CDK19: variants seen among roughly 807,000 people sequenced by gnomAD.
CDK19 encodes cyclin-dependent kinase 19.
A neutral mutation model predicts 68.3 loss-of-function variants in CDK19; 20 were observed. That is an observed-to-expected ratio of 0.29 (90% CI 0.21 to 0.43). The LOEUF is 0.43. Among genes scored for constraint, CDK19 ranks in the 20% least tolerant of loss-of-function variants. CDK19 has a pLI of 1.00. For synonymous variants in CDK19, 221 were observed against 222.8 expected, an observed-to-expected ratio of 0.99 and a Z score of 0.07; for missense variants, 339 against 623.5, an observed-to-expected ratio of 0.54 and a Z score of 4.86.
At chr6:110,783,380 G>C (rs759124547) in intron 1 of CDK19, among the ~76,000 whole-genome samples, 2 of 152,184 alleles carry the variant, frequency 1.3e-5, no homozygotes, top group Non-Finnish European at 2.9e-5. Flanking sequence ...GCTCACACCT[G>C]TAATTTCAGC....
At chr6:110,754,406 G>A (rs1338630844) in intron 1 of CDK19, among the ~76,000 whole-genome samples, 2 of 151,940 alleles carry the variant, frequency 1.3e-5, no homozygotes, top group Non-Finnish European at 2.9e-5. Flanking sequence ...TAAGACTTCA[G>A]GCATTGCTTT....
At chr6:110,750,416 G>A (rs1404825146) in intron 1 of CDK19, among the ~76,000 whole-genome samples, 1 of 152,144 alleles carries the variant, frequency 6.6e-6, no homozygotes, top group East Asian at 1.9e-4. Flanking sequence ...CAGGAGAAAA[G>A]AAGGGACACC....
At chr6:110,719,450 G>C (rs1201861064) in intron 2 of CDK19, among the ~76,000 whole-genome samples, 1 of 152,088 alleles carries the variant, frequency 6.6e-6, no homozygotes, top group Admixed American at 6.5e-5. Context: ...CTTTAGCATG[G>C]GAGATGGAAG....
intron 1 of CDK19, among the ~76,000 whole-genome samples, chr6:110,810,078 T>G (rs1782969812): frequency 6.6e-6 from 1 of 151,980 alleles, no homozygotes; most frequent in African/African-American, 2.4e-5. Context: ...AAATGAGACA[T>G]GAAAGGACTT....
intron 2 of CDK19, among the ~76,000 whole-genome samples, chr6:110,734,536 T>TCTCTCTCTCTCTCTCTCTCTCTCC (rs1777070391): frequency 6.8e-6 from 1 of 147,218 alleles, no homozygotes; most frequent in Non-Finnish European, 1.5e-5. Context: ...TCTCTCTCTC[T>TCTCTCTCTCTCTCTCTCTCTCTCC]CTCTCTCTCT....
intron 2 of CDK19, among the ~76,000 whole-genome samples, chr6:110,718,857 C>A (rs1303873095): frequency 6.6e-6 from 1 of 151,848 alleles, no homozygotes; most frequent in Non-Finnish European, 1.5e-5. Flanking sequence ...TGTAAAGGAA[C>A]TAAAATATAT....
At chr6:110,807,814 CTT>C (rs61710346) in intron 1 of CDK19, among the ~76,000 whole-genome samples, 4 of 144,052 alleles carry the variant, frequency 2.8e-5, no homozygotes, top group African/African-American at 5.1e-5. Context: ...TTTATAATAC[CTT>C]TTTTTTTTTT....
chr6:110,792,083 G>A (rs1336262104), intron 1 of CDK19, among the ~76,000 whole-genome samples: 1 of 151,008 alleles, frequency 6.6e-6, no homozygotes, highest in East Asian at 2.0e-4. Flanking sequence ...CAATTCTCCT[G>A]ACTCACCCTC....
rs553152203 is a variant in CDK19 at position 110,728,751 on chromosome 6, T to C, written c.204+17375A>G. 7.9e-5 allele frequency among the ~76,000 whole-genome samples: 12 copies of C among 152,282 alleles called. No homozygotes were observed. The South Asian group carries it at 2.5e-3, about 32-fold the overall frequency. ...ATCTCCTATACTCTCAAATGTGGCA[T>C]GCTGCGTCATGCTTATACACAATGT... On this transcript the variant is annotated intron_variant, in intron 2 of 12. Transcript: ENST00000368911.
intron 2 of CDK19, among the ~76,000 whole-genome samples, chr6:110,712,198 GAGTA>G (rs987247796): frequency 4.6e-5 from 7 of 152,190 alleles, no homozygotes; most frequent in Non-Finnish European, 8.8e-5. Flanking sequence ...TTTCTTGACT[GAGTA>G]AGTAATACAG....
chr6:110,789,436 G>A lies in CDK19; in HGVS notation c.128+25573C>T, dbSNP rs530589923. Among the ~76,000 whole-genome samples, 30 of 152,100 alleles carry A rather than the reference G, an allele frequency of 2.0e-4. No individual in the cohort carries two copies. The East Asian group carries it at 2.3e-3, about 12-fold the overall frequency. On this transcript the variant is annotated intron_variant, in intron 1 of 12. Transcript: ENST00000368911. ...TGGGACTACAGGCATGCACCACCACGCCCAGCTAATTTTTGTATTTTTAGT... is the reference window on the plus strand; with the variant it reads ...TGGGACTACAGGCATGCACCACCACACCCAGCTAATTTTTGTATTTTTAGT...
chr6:110,767,675 T>C (rs1258816233), intron 1 of CDK19, among the ~76,000 whole-genome samples: 2 of 151,932 alleles, frequency 1.3e-5, no homozygotes, highest in Non-Finnish European at 2.9e-5. Flanking sequence ...GAATTTTGAA[T>C]GTTCCCAACA....
At chr6:110,692,858 A>G (rs997344814) in intron 2 of CDK19, among the ~76,000 whole-genome samples, 2 of 152,132 alleles carry the variant, frequency 1.3e-5, no homozygotes, top group Admixed American at 1.3e-4. Context: ...TTAGCCAGAC[A>G]TGTTGGTGGG....
chr6:110,725,803 CTT>C (rs1473605567), intron 2 of CDK19, among the ~76,000 whole-genome samples: 1 of 152,152 alleles, frequency 6.6e-6, no homozygotes, highest in African/African-American at 2.4e-5. Flanking sequence ...GAAATGTTGA[CTT>C]AATACAAATT....
Position 110,749,333 on chromosome 6 carries a change from T to A in CDK19, c.129-3132A>T, listed in dbSNP as rs115288330. Among the ~76,000 whole-genome samples the A allele has an allele frequency of 3.0e-3, 450 of 152,262 alleles. 2 individuals are homozygous for A. The highest frequency in any genetic ancestry group is 0.01 in the African/African-American group (436 of 41,546). On this transcript the variant is annotated intron_variant, in intron 1 of 12. Coordinates refer to ENST00000368911, the MANE Select transcript of CDK19 (RefSeq NM_015076.5). The stretch of plus-strand genomic sequence containing the variant: ...ACGTAACAAAATAGAACAAATAAAT[T>A]TGACACAGACCAATTCTATTAGGTC...
At chr6:110,793,441 T>C (rs1215600014) in intron 1 of CDK19, among the ~76,000 whole-genome samples, 2 of 152,202 alleles carry the variant, frequency 1.3e-5, no homozygotes, top group African/African-American at 4.8e-5. Flanking sequence ...AAATGTTAAG[T>C]CTTTATACTT....
chr6:110,705,906 T>G (rs1455399378), intron 2 of CDK19, among the ~76,000 whole-genome samples: 1 of 152,000 alleles, frequency 6.6e-6, no homozygotes, highest in African/African-American at 2.4e-5. Context: ...AGATGATGGG[T>G]TGATGGGTGC....
chr6:110,667,407 T>C, intron 4 of CDK19, 27 bp downstream of exon 4: 4 of 1,455,904 alleles, frequency 2.7e-6, no homozygotes, highest in Non-Finnish European at 2.8e-6. Context: ...AAAAACATAT[T>C]GATGAATTTA....
chr6:110,622,307 G>C (rs991379016), intron 10 of CDK19, 141 bp from the exon 11 acceptor site: 9 of 613,904 alleles, frequency 1.5e-5, no homozygotes, highest in Non-Finnish European at 2.3e-5. Flanking sequence ...CTTGACTGCT[G>C]CTAGCTAGTT....
Sources: allele counts gnomAD v4.1 joint callset (sites outside exome capture counted in the v4.1 genomes callset), GRCh38; gene constraint gnomAD v4.1.1; transcripts MANE v1.5; gene names NCBI Gene and HGNC (gene_info 2026-07-23, HGNC 2026-07-21).